Variants in GOLGA4 observed in about 807,000 individuals in gnomAD.
The protein encoded by GOLGA4 is golgin subfamily A member 4.
In GOLGA4, 169 loss-of-function variants were observed where a neutral mutation model predicts 265.9. That is an observed-to-expected ratio of 0.64 (90% confidence interval 0.56 to 0.72). The LOEUF is 0.72. Ranked by LOEUF, GOLGA4 falls within the 30% of genes least tolerant of loss-of-function variation. The pLI is 0.00. For missense variants in GOLGA4, 2,482 were observed against 2,483.4 expected (o/e 1.00, Z 0.01); for synonymous variants, 923 against 855.8 (o/e 1.08, Z -1.37).
intron 5 of GOLGA4, among the ~76,000 whole-genome samples, chr3:37,294,673 A>C (rs1430740011): frequency 6.6e-6 from 1 of 152,192 alleles, no homozygotes; most frequent in Non-Finnish European, 1.5e-5. Context: ...GGTGTGAGCC[A>C]CCGCACCCGG....
chr3:37,314,788 C>T (rs1004332159), intron 10 of GOLGA4, among the ~76,000 whole-genome samples: 6 of 152,080 alleles, frequency 3.9e-5, no homozygotes, highest in African/African-American at 1.4e-4. Flanking sequence ...TTCTGTAATA[C>T]TGTTGAATCA....
At chr3:37,275,148 G>A (rs1235970339) in intron 2 of GOLGA4, among the ~76,000 whole-genome samples, 14 of 148,832 alleles carry the variant, frequency 9.4e-5, no homozygotes, top group African/African-American at 2.2e-4. Flanking sequence ...CCCGGGAGGC[G>A]GAGGTTGCAG....
intron 22 of GOLGA4, among the ~76,000 whole-genome samples, chr3:37,357,405 A>T (rs28456027): frequency 0.015 from 2,268 of 152,296 alleles, 52 homozygotes; most frequent in African/African-American, 0.052. Context: ...TGGAACTTTT[A>T]ATTTTAGGGG....
intron 2 of GOLGA4, among the ~76,000 whole-genome samples, chr3:37,270,230 G>A (rs1451905641): frequency 7.2e-6 from 1 of 139,338 alleles, no homozygotes; most frequent in African/African-American, 2.7e-5. Flanking sequence ...TTTTGAGGTG[G>A]AGTCTCACTT....
chr3:37,270,978 G>C (rs2096797121), intron 2 of GOLGA4, among the ~76,000 whole-genome samples: 1 of 151,930 alleles, frequency 6.6e-6, no homozygotes, highest in Non-Finnish European at 1.5e-5. Flanking sequence ...GACAGTGACA[G>C]ATCATCAGGC....
intron 2 of GOLGA4, among the ~76,000 whole-genome samples, chr3:37,264,306 G>A (rs147284115): frequency 6.6e-6 from 1 of 152,228 alleles, no homozygotes; most frequent in Non-Finnish European, 1.5e-5. Context: ...CCATTCAAAG[G>A]ATGATCTGAG....
At chr3:37,335,239 A>AACAT (rs2097006673) in intron 17 of GOLGA4, 73 bp downstream of exon 17, 4 of 775,824 alleles carry the variant, frequency 5.2e-6, no homozygotes, top group African/African-American at 3.5e-5. Flanking sequence ...CTAGCCTACT[A>AACAT]ACATACATAC....
intron 2 of GOLGA4, chr3:37,267,013 C>A: frequency 1.8e-6 from 1 of 553,612 alleles, no homozygotes; most frequent in Non-Finnish European, 3.0e-6. Context: ...AGAAGCAAAT[C>A]TCATGTTACT....
chr3:37,327,820 A>C lies in GOLGA4; in HGVS notation c.5934A>C (p.Lys1978Asn). The stretch of plus-strand genomic sequence containing the variant: ...AATATGATCAAGAAAGGGAAGAGAA[A>C]ATCAAGTAAGTTTTATTTCAGCTTG... ...KKEYDQEREEKIKQEQEDLEL... is the reference protein window; with the variant it reads ...KKEYDQEREENIKQEQEDLEL... The change falls in exon 14 of 24, where the codon AAA becomes AAC. Residue 1978 changes from lysine (K) to asparagine (N), a missense_variant. By Grantham distance (94) the Lys-to-Asn change is moderately conservative (BLOSUM62 0). Coordinates refer to ENST00000361924, the MANE Select transcript of GOLGA4 (RefSeq NM_002078.5). The C allele has an allele frequency of 6.3e-7, 1 of 1,586,568 alleles. No homozygotes were observed. Among genetic ancestry groups the C allele is most frequent in the Non-Finnish European group, 8.6e-7 (1 of 1,163,920 alleles).
chr3:37,315,012 G>A (rs55985615), intron 10 of GOLGA4, among the ~76,000 whole-genome samples: 9,229 of 152,198 alleles, frequency 0.061, 414 homozygotes, highest in African/African-American at 0.13. Flanking sequence ...ATATAATAGT[G>A]TTACATAATT....
At chr3:37,265,157 A>G (rs2096780311) in intron 2 of GOLGA4, among the ~76,000 whole-genome samples, 1 of 151,000 alleles carries the variant, frequency 6.6e-6, no homozygotes, top group African/African-American at 2.4e-5. Flanking sequence ...GTATAATTCT[A>G]TACAATTTTA....
At chr3:37,360,769 GA>G (rs1696192934) in intron 22 of GOLGA4, among the ~76,000 whole-genome samples, 1 of 152,222 alleles carries the variant, frequency 6.6e-6, no homozygotes, top group East Asian at 1.9e-4. Flanking sequence ...GTTATTCAGT[GA>G]TCAAATTGAC....
chr3:37,361,330 T>A, intron 23 of GOLGA4, 25 bp downstream of exon 23: 1 of 1,564,908 alleles, frequency 6.4e-7, no homozygotes, highest in East Asian at 2.2e-5. Flanking sequence ...ATGTCTTGTG[T>A]CTTTTGTGCA....
intron 20 of GOLGA4, among the ~76,000 whole-genome samples, chr3:37,346,604 CAG>C (rs1553626603): frequency 6.6e-6 from 1 of 152,114 alleles, no homozygotes; most frequent in Non-Finnish European, 1.5e-5. Context: ...CTTTTATAAA[CAG>C]TGTAAGTAAA....
intron 10 of GOLGA4, among the ~76,000 whole-genome samples, chr3:37,309,381 C>G (rs2096916715): frequency 6.6e-6 from 1 of 152,132 alleles, no homozygotes; most frequent in African/African-American, 2.4e-5. Context: ...CATGGTGAAC[C>G]CCGTCTCTAC....
In GOLGA4 at chr3:37,343,467, C is replaced by T. The variant is rs11914738; in HGVS notation, c.6472+3268C>T. Among the ~76,000 whole-genome samples the T allele has an allele frequency of 7.9e-3, 1,207 of 152,070 alleles. 12 individuals are homozygous for T. Among genetic ancestry groups the T allele is most frequent in the Middle Eastern group, 0.037 (11 of 294 alleles). ...CCTGAACTCAGGTATCTGCCCACCT[C>T]GGCCTCCCAAAGTGCTGGGATTACA... On this transcript the variant is annotated intron_variant, in intron 20 of 23. Transcript: ENST00000361924.
chr3:37,334,373 T>C (rs900027859), intron 16 of GOLGA4, among the ~76,000 whole-genome samples: 4 of 152,198 alleles, frequency 2.6e-5, no homozygotes, highest in African/African-American at 9.6e-5. Flanking sequence ...TAACTCATTT[T>C]TTTTTTCAAA....
intron 7 of GOLGA4, among the ~76,000 whole-genome samples, 166 bp from the exon 8 acceptor site, chr3:37,298,667 C>G (rs1337627173): frequency 6.6e-6 from 1 of 152,156 alleles, no homozygotes; most frequent in Non-Finnish European, 1.5e-5. Flanking sequence ...TAAGTTCTCC[C>G]AAAGTTAGTT....
At chr3:37,243,909 C>G (rs2150562705) in intron 1 of GOLGA4, 1 of 450,664 alleles carries the variant, frequency 2.2e-6, no homozygotes, top group Non-Finnish European at 4.0e-6. Context: ...AGGCCAGAGT[C>G]CGAACTTGCA....
Sources: gnomAD v4.1 joint callset for allele counts (sites outside exome capture counted in the v4.1 genomes callset) on GRCh38, gnomAD v4.1.1 for gene constraint, MANE v1.5 for transcripts, NCBI Gene and HGNC (gene_info 2026-07-23, HGNC 2026-07-21) for gene names.